Variants in DAB2IP observed in about 807,000 individuals in gnomAD.
DAB2IP encodes the protein DAB2 interacting protein.
Under a neutral mutation model 107.2 loss-of-function variants are expected in DAB2IP, and 28 were observed. That is an observed-to-expected ratio of 0.26 (90% CI 0.19 to 0.36). The LOEUF (loss-of-function observed/expected upper bound fraction) is 0.36. Ranked by LOEUF, DAB2IP falls within the 10% of genes least tolerant of loss-of-function variation. The probability of loss-of-function intolerance (pLI) is 1.00; values close to 1 mark genes in which losing one functional copy is unlikely to be tolerated. For synonymous variants in DAB2IP, 755 were observed against 706.4 expected (o/e 1.07, Z -1.09); for missense variants, 1,400 against 1,644.7 (o/e 0.85, Z 2.57).
rs747400599 is a variant in DAB2IP at position 121,699,409 on chromosome 9, A to G, written c.313A>G (p.Ile105Val). Residue 105 changes from isoleucine to valine, a missense_variant, in exon 3 of 16, where the codon ATC (isoleucine) becomes GTC (valine). Ile to Val is a conservative substitution (Grantham distance 29). Coordinates refer to ENST00000408936, the Ensembl canonical transcript of DAB2IP. This position sits in a 1 kb window ranked among gnomAD's most constrained non-coding sequence, Gnocchi z 6.2. ...GGACCGCAACCACAGCTTCCGCCACATCCTGCCGGGGTTCCGGAGCGCCGC... is the reference window on the plus strand; with the variant it reads ...GGACCGCAACCACAGCTTCCGCCACGTCCTGCCGGGGTTCCGGAGCGCCGC... The G allele has an allele frequency of 1.4e-6, 2 of 1,463,722 alleles. No individual in the cohort carries two copies. The highest frequency in any genetic ancestry group is 1.5e-5 in the African/African-American group (1 of 67,356). The allele number at this position is 1,463,722 out of a possible 1,614,324, so 90.7% of individuals were successfully genotyped here. A position where few individuals can be genotyped will look rare whatever the true frequency, so the allele number is the denominator to read the frequency against.
At position 121,721,892 on chromosome 9, in the gene DAB2IP, TGGGAAGTGAGG is replaced by T. The variant is rs375296859; in HGVS notation, c.362+22437_362+22447del. ...GAGCATTTTCAGGGCAGCTGGGAAC[TGGGAAGTGAGG>T]GGCGGAACTGATGGGGCCCCGCCCA... On this transcript the variant is annotated intron_variant, in intron 3 of 15. Coordinates refer to ENST00000408936, the Ensembl canonical transcript of DAB2IP. 1.7e-3 allele frequency among the ~76,000 whole-genome samples: 256 copies of T among 152,162 alleles called. 3 individuals are homozygous for T. Among genetic ancestry groups the T allele is most frequent in the African/African-American group, 5.9e-3 (245 of 41,520 alleles).
intron 3 of DAB2IP, among the ~76,000 whole-genome samples, chr9:121,713,516 TG>T (rs1255158871): frequency 5.3e-5 from 8 of 152,152 alleles, no homozygotes; most frequent in African/African-American, 1.4e-4. Context: ...CCTGCCCTCT[TG>T]TTGTAGGGTG....
At chr9:121,700,014 C>T (rs1049782078) in intron 3 of DAB2IP, among the ~76,000 whole-genome samples, 3 of 152,210 alleles carry the variant, frequency 2.0e-5, no homozygotes, top group African/African-American at 7.2e-5. Context: ...TGGGGGCTGG[C>T]GCTAGCAGAG....
intron 3 of DAB2IP, among the ~76,000 whole-genome samples, chr9:121,700,519 C>T (rs543398450): frequency 6.6e-6 from 1 of 152,194 alleles, no homozygotes. Context: ...TCTCAGACCA[C>T]TGGCATCTGC....
exon 16 of DAB2IP, chr9:121,783,427 C>T (rs779233902): frequency 6.2e-7 from 1 of 1,606,584 alleles, no homozygotes; most frequent in Non-Finnish European, 8.5e-7. Context: ...ACCTGGTGCT[C>T]ACCCTGAAAG....
At chr9:121,714,751 A>G (rs1485250024) in intron 3 of DAB2IP, among the ~76,000 whole-genome samples, 3 of 152,216 alleles carry the variant, frequency 2.0e-5, no homozygotes, top group Non-Finnish European at 2.9e-5. Context: ...TGTAATTGCA[A>G]TTAAGGCATG....
chr9:121,596,990 T>C (rs1288242164), intron 1 of DAB2IP, among the ~76,000 whole-genome samples: 3 of 152,204 alleles, frequency 2.0e-5, no homozygotes, highest in Admixed American at 6.5e-5. Flanking sequence ...AGACTGACCA[T>C]CTTTGCATAT....
intron 3 of DAB2IP, among the ~76,000 whole-genome samples, chr9:121,741,022 G>A (rs1832301862): frequency 6.6e-6 from 1 of 152,112 alleles, no homozygotes; most frequent in Non-Finnish European, 1.5e-5. Flanking sequence ...GGAGGTTAAG[G>A]CACCCAGGTC....
intron 1 of DAB2IP, among the ~76,000 whole-genome samples, chr9:121,663,409 A>G (rs1833286419): frequency 6.6e-6 from 1 of 152,090 alleles, no homozygotes; most frequent in Non-Finnish European, 1.5e-5. Flanking sequence ...CTCCAAGCCA[A>G]ACACGTCCCC....
At chr9:121,661,053 C>T (rs759681543) in intron 1 of DAB2IP, among the ~76,000 whole-genome samples, 24 of 151,764 alleles carry the variant, frequency 1.6e-4, no homozygotes, top group Non-Finnish European at 3.2e-4. Context: ...CTTGGAAAGG[C>T]GTGAAGAAGC....
chr9:121,579,083 C>T (rs548778560), intron 1 of DAB2IP, among the ~76,000 whole-genome samples: 162 of 152,142 alleles, frequency 1.1e-3, no homozygotes, highest in Non-Finnish European at 2.1e-3. Context: ...CCTGGAGCCC[C>T]GCACCATCAG....
intron 1 of DAB2IP, among the ~76,000 whole-genome samples, chr9:121,569,988 T>G (rs928565239): frequency 6.6e-6 from 1 of 152,132 alleles, no homozygotes; most frequent in East Asian, 1.9e-4. Flanking sequence ...GGAGATGGGG[T>G]CTTGCTGTGT....
chr9:121,714,878 C>T (rs550248802), intron 3 of DAB2IP, among the ~76,000 whole-genome samples: 3 of 152,336 alleles, frequency 2.0e-5, no homozygotes, highest in Admixed American at 1.3e-4. Context: ...ACCTTCTGGG[C>T]AGTGGGAGAA....
At chr9:121,741,720 A>G (rs1832362678) in intron 3 of DAB2IP, among the ~76,000 whole-genome samples, 1 of 151,400 alleles carries the variant, frequency 6.6e-6, no homozygotes, top group African/African-American at 2.4e-5. Context: ...CACAGTCACT[A>G]CCCAAGAGGC....
intron 1 of DAB2IP, among the ~76,000 whole-genome samples, chr9:121,576,908 C>G (rs770308318): frequency 2.5e-4 from 38 of 152,220 alleles, no homozygotes; most frequent in Middle Eastern, 3.4e-3. Flanking sequence ...GCCTTCCCAG[C>G]GTGTGTCAGA....
exon 12 of DAB2IP, chr9:121,773,280 G>C (rs761839130): frequency 6.5e-7 from 1 of 1,533,550 alleles, no homozygotes; most frequent in Non-Finnish European, 8.8e-7. Context: ...GAGGAGGATC[G>C]ACCAGCCTCC....
In DAB2IP at chr9:121,646,497, C is replaced by A. The variant is rs564434094; in HGVS notation, c.41-32181C>A. Among the ~76,000 whole-genome samples, 250 of 143,370 alleles carry A rather than the reference C, an allele frequency of 1.7e-3. 2 individuals carry two copies. The highest frequency in any genetic ancestry group is 5.2e-3 in the African/African-American group (199 of 38,484). 94.1% of individuals were successfully genotyped at this position (143,370 alleles called of 152,430 possible). ...ACCACAAGTGTCCCGCCACCCCCCC[C>A]ACCCCGACCCTCTGTCCCCCCCACC... On this transcript the variant is annotated intron_variant, in intron 1 of 16. Coordinates refer to the DAB2IP transcript ENST00000259371.
At chr9:121,627,313 G>A (rs1269886006) in intron 1 of DAB2IP, among the ~76,000 whole-genome samples, 1 of 151,876 alleles carries the variant, frequency 6.6e-6, no homozygotes, top group East Asian at 1.9e-4. Flanking sequence ...CCATTTTCAG[G>A]AGAGACTATA....
chr9:121,631,983 CGTT>C (rs1831906812), intron 1 of DAB2IP, among the ~76,000 whole-genome samples: 1 of 152,010 alleles, frequency 6.6e-6, no homozygotes, highest in Admixed American at 6.6e-5. Context: ...GGGTGGCCAT[CGTT>C]GACACCTTGC....
Sources: allele counts gnomAD v4.1 joint callset (sites outside exome capture counted in the v4.1 genomes callset), GRCh38; gene constraint gnomAD v4.1.1; non-coding constraint Gnocchi (gnomAD v3.1); transcripts MANE v1.5; gene names NCBI Gene and HGNC (gene_info 2026-07-23, HGNC 2026-07-21).